Variants in ADCY2 observed in about 807,000 individuals in gnomAD.
ADCY2 encodes the protein adenylate cyclase type 2.
ADCY2 carries 31 observed loss-of-function variants against 125.2 expected under a neutral mutation model. The observed-to-expected ratio is 0.25, with a 90% CI of 0.19 to 0.33. The LOEUF (loss-of-function observed/expected upper bound fraction) is 0.33. ADCY2 is among the 10% of genes least tolerant of loss of function. The probability of loss-of-function intolerance (pLI) is 1.00; values close to 1 mark genes in which losing one functional copy is unlikely to be tolerated. For missense variants in ADCY2, 904 were observed against 1,418.2 expected, an observed-to-expected ratio of 0.64 and a Z score of 5.82; for synonymous variants, 512 against 548.4, an observed-to-expected ratio of 0.93 and a Z score of 0.93.
chr5:7,444,071 C>A (rs2017214), intron 2 of ADCY2, among the ~76,000 whole-genome samples: 9 of 150,624 alleles, frequency 6.0e-5, no homozygotes, highest in African/African-American at 2.2e-4. Context: ...CTCTTCAAGC[C>A]CCTTTTGGTG....
chr5:7,496,013 T>C (rs1743334605), intron 2 of ADCY2, among the ~76,000 whole-genome samples: 1 of 152,216 alleles, frequency 6.6e-6, no homozygotes, highest in African/African-American at 2.4e-5. Context: ...AGGGTGGTTG[T>C]TGCTGCTGCA....
chr5:7,444,990 A>G (rs1476173381), intron 2 of ADCY2, among the ~76,000 whole-genome samples: 3 of 152,052 alleles, frequency 2.0e-5, no homozygotes, highest in Admixed American at 6.6e-5. Context: ...TCATAGGGAT[A>G]TTTGTCATTT....
At chr5:7,658,168 C>T (rs1000995717) in intron 4 of ADCY2, 2 of 152,258 alleles carry the variant, frequency 1.3e-5, no homozygotes, top group Non-Finnish European at 2.9e-5. Flanking sequence ...ATGCACTGCA[C>T]TGATGGACTG....
chr5:7,717,556 C>A (rs553046092), intron 12 of ADCY2, among the ~76,000 whole-genome samples: 1 of 152,088 alleles, frequency 6.6e-6, no homozygotes, highest in South Asian at 2.1e-4. Flanking sequence ...ATGGGAAAAC[C>A]TTCAAATTTT....
At chr5:7,443,926 C>T (rs1358316678) in intron 2 of ADCY2, among the ~76,000 whole-genome samples, 4 of 151,868 alleles carry the variant, frequency 2.6e-5, no homozygotes, top group Non-Finnish European at 4.4e-5. Context: ...CAGCAGTTTT[C>T]ATCTGTAAAA....
chr5:7,708,873 G>A (rs1400390500), intron 9 of ADCY2, among the ~76,000 whole-genome samples: 1 of 152,124 alleles, frequency 6.6e-6, no homozygotes, highest in South Asian at 2.1e-4. Flanking sequence ...ATTAGAAACA[G>A]CACTACAGTT....
intron 4 of ADCY2, among the ~76,000 whole-genome samples, chr5:7,659,764 C>A (rs1031135276): frequency 6.6e-6 from 1 of 152,174 alleles, no homozygotes; most frequent in Non-Finnish European, 1.5e-5. Context: ...TTGGAAAACT[C>A]GACTTTGCAT....
intron 4 of ADCY2, among the ~76,000 whole-genome samples, chr5:7,663,755 CG>C (rs933867558): frequency 4.6e-5 from 7 of 152,080 alleles, no homozygotes; most frequent in African/African-American, 1.7e-4. Flanking sequence ...GGCTTGGGGT[CG>C]GGATTCTAGC....
chr5:7,731,178 G>C (rs1325097908), intron 14 of ADCY2, among the ~76,000 whole-genome samples: 1 of 149,750 alleles, frequency 6.7e-6, no homozygotes, highest in Non-Finnish European at 1.5e-5. Flanking sequence ...AGTCTATGTT[G>C]TTCTTAAAAC....
chr5:7,637,263 A>G (rs1738540863), intron 4 of ADCY2, among the ~76,000 whole-genome samples: 1 of 152,064 alleles, frequency 6.6e-6, no homozygotes, highest in Non-Finnish European at 1.5e-5. Flanking sequence ...TGAGGTCAGG[A>G]GTTCAAGACC....
Position 7,600,537 on chromosome 5 carries a change from G to A in ADCY2, c.571-25630G>A, listed in dbSNP as rs73050104. 7.9e-3 allele frequency among the ~76,000 whole-genome samples: 1,203 copies of A among 152,292 alleles called. 18 individuals are homozygous for A. Among genetic ancestry groups the A allele is most frequent in the African/African-American group, 0.027 (1,133 of 41,568 alleles). On this transcript the variant is annotated intron_variant, in intron 3 of 24. Transcript: ENST00000338316. ...GTCTGAGATGGTCTCAGAGGGAGAC[G>A]AAAGTGAGAGGAAGGCTGTACTTAG...
chr5:7,540,704 G>C (rs1272528362), intron 3 of ADCY2, among the ~76,000 whole-genome samples: 1 of 152,130 alleles, frequency 6.6e-6, no homozygotes, highest in Non-Finnish European at 1.5e-5. Context: ...CCCAGTTCTT[G>C]TCCCGGCTGG....
At chr5:7,409,948 G>A (rs907380672) in intron 1 of ADCY2, among the ~76,000 whole-genome samples, 1 of 152,052 alleles carries the variant, frequency 6.6e-6, no homozygotes, top group Non-Finnish European at 1.5e-5. Context: ...ATGTAGATAA[G>A]AATAAAAATT....
chr5:7,821,455 C>T (rs1013564159), intron 24 of ADCY2, among the ~76,000 whole-genome samples: 9 of 152,138 alleles, frequency 5.9e-5, no homozygotes, highest in South Asian at 2.1e-4. Context: ...CAAGGAAGAG[C>T]GGGAAGAGAA....
chr5:7,546,422 C>CT (rs1216179988), intron 3 of ADCY2, among the ~76,000 whole-genome samples: 6 of 152,166 alleles, frequency 3.9e-5, no homozygotes, highest in African/African-American at 1.4e-4. Context: ...TCCCTACCTC[C>CT]TTTTTTCTGG....
At chr5:7,666,808 G>C (rs1282821402) in intron 4 of ADCY2, among the ~76,000 whole-genome samples, 1 of 152,152 alleles carries the variant, frequency 6.6e-6, no homozygotes, top group Non-Finnish European at 1.5e-5. Context: ...TCCCACTGTG[G>C]GTCAGGGTCA....
intron 4 of ADCY2, among the ~76,000 whole-genome samples, chr5:7,664,149 C>T (rs559951893): frequency 6.6e-6 from 1 of 152,228 alleles, no homozygotes; most frequent in Admixed American, 6.5e-5. Flanking sequence ...GTTAAATGAA[C>T]ATTTCAAAAG....
intron 3 of ADCY2, among the ~76,000 whole-genome samples, chr5:7,619,444 T>G (rs1737879772): frequency 6.6e-6 from 1 of 152,098 alleles, no homozygotes; most frequent in Admixed American, 6.5e-5. Flanking sequence ...GAATATGAGT[T>G]TTGGTGGTAG....
rs759822826 is a variant in ADCY2, at chr5:7,728,672, C to A, written c.1871+1411C>A. 3.3e-5 allele frequency among the ~76,000 whole-genome samples: 5 copies of A among 152,286 alleles called. No individual in the cohort carries two copies. In the Middle Eastern group the frequency reaches 0.014, roughly 414 times the overall value. ...AGAAAAGCATTTTGAAAGCTACATA[C>A]GTGAAATAACTATTACCCAGGGAAT... On this transcript the variant is annotated intron_variant, in intron 14 of 24. Coordinates refer to ENST00000338316, the MANE Select transcript of ADCY2 (RefSeq NM_020546.3).
Sources: allele counts gnomAD v4.1 joint callset (sites outside exome capture counted in the v4.1 genomes callset), GRCh38; gene constraint gnomAD v4.1.1; transcripts MANE v1.5; gene names NCBI Gene and HGNC (gene_info 2026-07-23, HGNC 2026-07-21).